SEL1L3: variants seen among roughly 807,000 people sequenced by gnomAD.
SEL1L3 encodes the protein SEL1L family member 3.
Under a neutral mutation model 142.8 loss-of-function variants are expected in SEL1L3, and 76 were observed. The ratio of observed to expected loss-of-function variants is 0.53; its 90% CI spans 0.44 to 0.64. The LOEUF is 0.64. Among genes scored for constraint, SEL1L3 ranks in the 30% least tolerant of loss-of-function variants. The pLI, the probability that SEL1L3 is intolerant of heterozygous loss-of-function variation, is 0.00. For missense variants in SEL1L3, 1,262 were observed against 1,381.7 expected, an observed-to-expected ratio of 0.91 and a Z score of 1.37; for synonymous variants, 504 against 519.6, an observed-to-expected ratio of 0.97 and a Z score of 0.41.
At chr4:25,775,230 C>T (rs986874225) in intron 17 of SEL1L3, among the ~76,000 whole-genome samples, 2 of 152,182 alleles carry the variant, frequency 1.3e-5, no homozygotes. Flanking sequence ...AAAGTGAGGC[C>T]ACAGGTAATA....
Position 25,818,229 on chromosome 4 carries a change from G to T in SEL1L3, c.1473C>A (p.Pro491=). ...CCCAGGGGAAGGCTCTGCACATCGA[G>T]GGTCTCCCATACCTGCGCTGGAGGT... ...YLDLQRRYGR[P]SMCRAFPWEK... The change falls in exon 9 of 24, where the codon CCC becomes CCA. Residue 491 remains proline (P), a synonymous_variant. Transcript: ENST00000399878. 2 of 1,603,720 alleles carry T rather than the reference G, an allele frequency of 1.2e-6. No individual in the cohort carries two copies. Among genetic ancestry groups the T allele is most frequent in the Non-Finnish European group, 8.5e-7 (1 of 1,175,134 alleles).
the SEL1L3 span, among the ~76,000 whole-genome samples, chr4:25,734,926 A>C: frequency 1.3e-5 from 2 of 152,070 alleles, no homozygotes; most frequent in Admixed American, 6.6e-5. Context: ...TTTTTGTAAT[A>C]TTTTGTCTGA....
In SEL1L3 at chr4:25,847,304, A is replaced by C; in HGVS notation, c.723T>G (p.Pro241=). The change falls in exon 2 of 24, where the codon CCT becomes CCG. Residue 241 remains proline, a synonymous_variant. Coordinates refer to ENST00000399878, the MANE Select transcript of SEL1L3 (RefSeq NM_015187.5). ...NLRANRIPQC[P]LENDVVALLG... ...AGATAGATGACCTACCATTTTCCAG[A>C]GGACACTGTGGAATCCTGTTTGCCC... The C allele has an allele frequency of 6.2e-7, 1 of 1,610,470 alleles. No individual in the cohort carries two copies. The highest frequency in any genetic ancestry group is 8.5e-7 in the Non-Finnish European group (1 of 1,178,010).
chr4:25,819,752 T>C, intron 8 of SEL1L3, 56 bp downstream of exon 8: 1 of 1,534,666 alleles, frequency 6.5e-7, no homozygotes, highest in Non-Finnish European at 8.8e-7. Context: ...AAGCCAAACA[T>C]GTGTTTATGT....
rs144396499 is a variant in SEL1L3 at position 25,849,994 on chromosome 4, G to A, written c.163-2130C>T. ...GTATCTCAGTTGGGCTTTGAGGGAC[G>A]AAAAGAAGTTCTTCACGTAGAGACA... On this transcript the variant is annotated intron_variant, in intron 1 of 23. Transcript: ENST00000399878. Among the ~76,000 whole-genome samples the A allele has an allele frequency of 1.3e-3, 200 of 152,266 alleles. 1 individual carries two copies. The highest frequency in any genetic ancestry group is 4.4e-3 in the Admixed American group (67 of 15,290).
chr4:25,789,451 G>A (rs1712119521), intron 12 of SEL1L3, among the ~76,000 whole-genome samples: 1 of 152,008 alleles, frequency 6.6e-6, no homozygotes, highest in South Asian at 2.1e-4. Flanking sequence ...ATGGCATGGT[G>A]GCACATGCCT....
At chr4:25,751,799 T>C (rs1171254230) in intron 23 of SEL1L3, among the ~76,000 whole-genome samples, 1 of 151,826 alleles carries the variant, frequency 6.6e-6, no homozygotes, top group African/African-American at 2.4e-5. Context: ...TCAATGTTTT[T>C]GTTGAAATGC....
At chr4:25,811,758 T>G (rs1714040545) in intron 9 of SEL1L3, among the ~76,000 whole-genome samples, 1 of 149,124 alleles carries the variant, frequency 6.7e-6, no homozygotes, top group East Asian at 2.0e-4. Flanking sequence ...GTTTTTTTTT[T>G]TTTTTTTTGT....
chr4:25,730,767 G>C, the SEL1L3 span, among the ~76,000 whole-genome samples: 6 of 152,052 alleles, frequency 3.9e-5, no homozygotes, highest in Non-Finnish European at 7.4e-5. Flanking sequence ...GGTGGCTCAC[G>C]CCTGTAATCC....
At chr4:25,741,548 C>T in the SEL1L3 span, among the ~76,000 whole-genome samples, 1 of 152,002 alleles carries the variant, frequency 6.6e-6, no homozygotes, top group Non-Finnish European at 1.5e-5. Context: ...TGTTCCTGTG[C>T]TTTGAATATT....
At chr4:25,808,638 A>C (rs1242478137) in intron 9 of SEL1L3, among the ~76,000 whole-genome samples, 2 of 152,086 alleles carry the variant, frequency 1.3e-5, no homozygotes, top group Non-Finnish European at 2.9e-5. Flanking sequence ...AGGAAAGGAG[A>C]AAATGTCACT....
intron 17 of SEL1L3, among the ~76,000 whole-genome samples, chr4:25,772,958 C>T (rs752145939): frequency 3.9e-5 from 6 of 152,042 alleles, no homozygotes; most frequent in Non-Finnish European, 7.4e-5. Context: ...CCATCACACC[C>T]GGCTAATTTT....
chr4:25,797,912 C>A (rs909202913), intron 11 of SEL1L3, among the ~76,000 whole-genome samples: 1 of 152,058 alleles, frequency 6.6e-6, no homozygotes, highest in East Asian at 1.9e-4. Flanking sequence ...CTAGATGTGA[C>A]GGTGGCACAG....
Position 25,835,239 on chromosome 4 carries a change from C to T in SEL1L3, c.818G>A (p.Arg273Gln), listed in dbSNP as rs758476664. Reference protein sequence around the residue: ...IVKKFPRFRNRELEATRRQRM... With the variant: ...IVKKFPRFRNQELEATRRQRM... ...CTGGCGTCGAGTGGCCTCCAGCTCTCGGTTCCGAAACCTCGGGAACTTCTT... is the reference window on the plus strand; with the variant it reads ...CTGGCGTCGAGTGGCCTCCAGCTCTTGGTTCCGAAACCTCGGGAACTTCTT... Residue 273 changes from arginine to glutamine, a missense_variant, in exon 3 of 24, where the codon CGA becomes CAA. Arg to Gln is a conservative substitution (Grantham distance 43, BLOSUM62 1). This residue lies in a region of SEL1L3 where 689 missense variants were observed against 692.8 expected (regional missense o/e 0.99). Coordinates refer to ENST00000399878, the MANE Select transcript of SEL1L3 (RefSeq NM_015187.5). 3.7e-6 allele frequency: 6 copies of T among 1,614,002 alleles called. No individual in the cohort carries two copies. Among genetic ancestry groups the T allele is most frequent in the South Asian group, 1.1e-5 (1 of 91,076 alleles).
intron 23 of SEL1L3, among the ~76,000 whole-genome samples, chr4:25,750,329 A>C (rs1191079811): frequency 6.6e-6 from 1 of 152,110 alleles, no homozygotes; most frequent in Non-Finnish European, 1.5e-5. Context: ...TGACCAAGAC[A>C]GCCCCGAGGG....
intron 20 of SEL1L3, 103 bp from the exon 21 acceptor site, chr4:25,759,171 T>G: frequency 7.7e-7 from 1 of 1,294,654 alleles, no homozygotes. Flanking sequence ...AAATTTTTTT[T>G]AAGTCTCTAG....
chr4:25,777,813 TGTG>T, intron 16 of SEL1L3: 1 of 456,134 alleles, frequency 2.2e-6, no homozygotes, highest in Non-Finnish European at 4.4e-6. Flanking sequence ...TGAACCCAAA[TGTG>T]TTATGAAGAA....
At chr4:25,730,966 G>T in the SEL1L3 span, among the ~76,000 whole-genome samples, 1 of 152,166 alleles carries the variant, frequency 6.6e-6, no homozygotes, top group Non-Finnish European at 1.5e-5. Context: ...GGGAGGCGGA[G>T]GTTGCAGCGA....
chr4:25,818,189 C>A lies in SEL1L3; in HGVS notation c.1513G>T (p.Asp505Tyr), dbSNP rs1714520331. The A allele has an allele frequency of 6.2e-7, 1 of 1,608,422 alleles. No individual in the cohort carries two copies. The highest frequency in any genetic ancestry group is 1.7e-5 in the Admixed American group (1 of 59,264). Reference protein sequence around the residue: ...RAFPWEKELKDKHPSLFQALL... With the variant: ...RAFPWEKELKYKHPSLFQALL... ...GCCTGGAACAAGCTGGGGTGTTTGTCTTTCAGCTCCTTCTCCCAGGGGAAG... is the reference window on the plus strand; with the variant it reads ...GCCTGGAACAAGCTGGGGTGTTTGTATTTCAGCTCCTTCTCCCAGGGGAAG... The change falls in exon 9 of 24, where the codon GAC becomes TAC. Residue 505 changes from aspartate to tyrosine, a missense_variant. Transcript: ENST00000399878.
Sources: allele counts gnomAD v4.1 joint callset (sites outside exome capture counted in the v4.1 genomes callset), GRCh38; gene constraint gnomAD v4.1.1; regional missense constraint gnomAD v4.1.1; transcripts MANE v1.5; gene names NCBI Gene and HGNC (gene_info 2026-07-23, HGNC 2026-07-21).